Variants in GPR15LG observed in about 807,000 individuals in gnomAD.
GPR15LG encodes the protein G protein-coupled receptor 15 ligand, also known as protein GPR15LG.
the GPR15LG span, among the ~76,000 whole-genome samples, chr10:84,175,341 A>G: frequency 1.3e-5 from 2 of 152,222 alleles, no homozygotes; most frequent in Non-Finnish European, 2.9e-5. Context: ...TGACAATTAA[A>G]TGAGGATAGA....
chr10:84,177,463 G>A, the GPR15LG span, among the ~76,000 whole-genome samples: 1 of 152,242 alleles, frequency 6.6e-6, no homozygotes, highest in East Asian at 1.9e-4. Context: ...AAGAGGCTGA[G>A]GAGGTCCCGG....
chr10:84,178,673 G>A, the GPR15LG span, among the ~76,000 whole-genome samples: 1 of 152,104 alleles, frequency 6.6e-6, no homozygotes. Context: ...CACACACAGT[G>A]CATAGGAGAC....
the GPR15LG span, among the ~76,000 whole-genome samples, chr10:84,175,500 C>T: frequency 1.3e-5 from 2 of 152,318 alleles, no homozygotes; most frequent in East Asian, 3.9e-4. Flanking sequence ...AGATAGTTCA[C>T]AATTGTGTGC....
At chr10:84,176,290 G>A in the GPR15LG span, among the ~76,000 whole-genome samples, 2 of 152,140 alleles carry the variant, frequency 1.3e-5, no homozygotes, top group African/African-American at 2.4e-5. Context: ...GGGGCCATGT[G>A]TCTCCCAACA....
the GPR15LG span, among the ~76,000 whole-genome samples, chr10:84,179,255 G>A: frequency 2.6e-5 from 4 of 152,296 alleles, no homozygotes; most frequent in East Asian, 1.9e-4. Flanking sequence ...ATGAGCCGTC[G>A]ATGGGTTCAT....
At chr10:84,180,260 A>G in the GPR15LG span, among the ~76,000 whole-genome samples, 8 of 152,274 alleles carry the variant, frequency 5.3e-5, no homozygotes, top group Non-Finnish European at 8.8e-5. Flanking sequence ...AACAAAATGG[A>G]GTCTCCTATG....
the GPR15LG span, chr10:84,185,124 C>A: frequency 9.1e-7 from 1 of 1,103,396 alleles, no homozygotes. Context: ...GGTGGCTGAC[C>A]AAGACTGCAG....
At chr10:84,178,994 ATCTTTCCACC>A in the GPR15LG span, among the ~76,000 whole-genome samples, 1 of 152,202 alleles carries the variant, frequency 6.6e-6, no homozygotes, top group Non-Finnish European at 1.5e-5. Context: ...AGAAACTAGG[ATCTTTCCACC>A]TCTTTCCACT....
the GPR15LG span, chr10:84,184,990 G>C: frequency 2.2e-6 from 3 of 1,377,102 alleles, no homozygotes; most frequent in South Asian, 4.7e-5. Context: ...CACCCCACAG[G>C]GCCTCAGTCG....
the GPR15LG span, chr10:84,176,417 G>A: frequency 1.7e-6 from 2 of 1,182,772 alleles, no homozygotes; most frequent in African/African-American, 3.0e-5. Flanking sequence ...GCCTTGGAAG[G>A]GGAAGCTCAC....
the GPR15LG span, chr10:84,185,078 C>T: frequency 3.3e-6 from 4 of 1,194,828 alleles, no homozygotes; most frequent in South Asian, 7.4e-5. Context: ...CAGAGACCAT[C>T]AATCCTGCTA....
chr10:84,178,722 G>GT, the GPR15LG span, among the ~76,000 whole-genome samples: 519 of 152,328 alleles, frequency 3.4e-3, 3 homozygotes, highest in African/African-American at 0.012. Flanking sequence ...ACGTGCATCC[G>GT]TTTTTTCAGT....
At chr10:84,176,338 T>C in the GPR15LG span, 18 of 695,302 alleles carry the variant, frequency 2.6e-5, no homozygotes, top group African/African-American at 2.8e-4. Flanking sequence ...CAAGGCCCAC[T>C]CTTTCCCTAG....
At chr10:84,175,249 T>C in the GPR15LG span, among the ~76,000 whole-genome samples, 1 of 152,168 alleles carries the variant, frequency 6.6e-6, no homozygotes, top group Non-Finnish European at 1.5e-5. Context: ...GTGATTAGAA[T>C]TCCTCATAAA....
At chr10:84,180,640 C>T in the GPR15LG span, among the ~76,000 whole-genome samples, 8 of 149,946 alleles carry the variant, frequency 5.3e-5, no homozygotes, top group East Asian at 2.0e-4. Context: ...ACATCCCAGA[C>T]GATGGGTGGC....
At chr10:84,174,591 T>C in the GPR15LG span, among the ~76,000 whole-genome samples, 2 of 150,974 alleles carry the variant, frequency 1.3e-5, no homozygotes, top group African/African-American at 4.9e-5. Flanking sequence ...CCTCCTGGGT[T>C]CAAGCAATTC....
At chr10:84,185,234 G>T in the GPR15LG span, 5 of 201,888 alleles carry the variant, frequency 2.5e-5, no homozygotes, top group Admixed American at 1.9e-4. Flanking sequence ...ACATGAGTCT[G>T]CTGGAAAGAG....
chr10:84,184,152 C>A, the GPR15LG span, among the ~76,000 whole-genome samples: 1 of 134,504 alleles, frequency 7.4e-6, no homozygotes, highest in African/African-American at 2.9e-5. Context: ...AGACTCCCAT[C>A]TTTCTTGAAA....
chr10:84,176,476 T>G, the GPR15LG span: 1 of 1,608,960 alleles, frequency 6.2e-7, no homozygotes, highest in African/African-American at 1.3e-5. Context: ...GTGTCCACCC[T>G]CAGGGAAGAG....
Sources: allele counts gnomAD v4.1 joint callset (sites outside exome capture counted in the v4.1 genomes callset), GRCh38; gene constraint gnomAD v4.1.1; transcripts MANE v1.5; gene names NCBI Gene and HGNC (gene_info 2026-07-23, HGNC 2026-07-21).